The following STK39 variants were observed in gnomAD, a reference collection of about 807,000 sequenced individuals.
STK39 encodes the protein STE20/SPS1-related proline-alanine-rich protein kinase.
In STK39, 20 loss-of-function variants were observed where a neutral mutation model predicts 77.8. The ratio of observed to expected loss-of-function variants is 0.26; its 90% CI spans 0.18 to 0.37. STK39 has a LOEUF of 0.37. STK39 is among the 10% of genes least tolerant of loss of function. STK39 has a pLI of 1.00. For synonymous variants in STK39, 246 were observed against 234.1 expected, an observed-to-expected ratio of 1.05 and a Z score of -0.47; for missense variants, 479 against 656.5, an observed-to-expected ratio of 0.73 and a Z score of 2.95.
intron 14 of STK39, among the ~76,000 whole-genome samples, chr2:168,051,552 A>G (rs1353565480): frequency 6.6e-6 from 1 of 152,214 alleles, no homozygotes; most frequent in Admixed American, 6.5e-5. Context: ...CTACCATGCA[A>G]GACTGACTCC....
chr2:168,089,727 C>T (rs1317728655), intron 10 of STK39, among the ~76,000 whole-genome samples: 1 of 152,176 alleles, frequency 6.6e-6, no homozygotes, highest in Non-Finnish European at 1.5e-5. Context: ...AATTCTCCTG[C>T]CTCAGCCTCC....
At chr2:168,065,272 T>A (rs1430462039) in intron 13 of STK39, 47 bp downstream of exon 13, 4 of 1,598,648 alleles carry the variant, frequency 2.5e-6, no homozygotes, top group Non-Finnish European at 2.6e-6. Context: ...TTTTAAAGGA[T>A]CTGTCTACAA....
rs142447069 is a variant in STK39 at position 168,144,392 on chromosome 2, C to T, written c.629-3634G>A. Among the ~76,000 whole-genome samples, 533 of 152,210 alleles carry T rather than the reference C, an allele frequency of 3.5e-3. 4 individuals are homozygous for T. Among genetic ancestry groups the T allele is most frequent in the African/African-American group, 0.012 (516 of 41,546 alleles). ...GATCATGGCTCACTGCAGCCTCAAC[C>T]TCCCATGCTCAAGCGATCCTCCTAC... On this transcript the variant is annotated intron_variant, in intron 5 of 17. Transcript: ENST00000355999.
intron 1 of STK39, among the ~76,000 whole-genome samples, chr2:168,201,123 A>T (rs1689600633): frequency 6.6e-6 from 1 of 152,254 alleles, no homozygotes; most frequent in Non-Finnish European, 1.5e-5. Flanking sequence ...TCAAACTTAA[A>T]GGCACATCTC....
At chr2:167,996,512 C>T (rs918795884) in intron 16 of STK39, among the ~76,000 whole-genome samples, 1 of 152,214 alleles carries the variant, frequency 6.6e-6, no homozygotes, top group African/African-American at 2.4e-5. Flanking sequence ...TCTCTCATAG[C>T]TTAGCGTCCA....
At chr2:168,178,081 T>C (rs1348650020) in intron 2 of STK39, among the ~76,000 whole-genome samples, 3 of 152,238 alleles carry the variant, frequency 2.0e-5, no homozygotes, top group East Asian at 1.9e-4. Context: ...GGTTTGATAA[T>C]TCTGGTGTTA....
At chr2:167,984,493 C>T (rs1209314683) in intron 16 of STK39, among the ~76,000 whole-genome samples, 6 of 152,118 alleles carry the variant, frequency 3.9e-5, no homozygotes, top group Admixed American at 2.6e-4. Flanking sequence ...CATGCAGGAG[C>T]GAGGCTGAAG....
At chr2:168,093,313 A>C (rs1036524886) in intron 10 of STK39, among the ~76,000 whole-genome samples, 19 of 152,238 alleles carry the variant, frequency 1.2e-4, no homozygotes, top group Non-Finnish European at 2.5e-4. Context: ...AAAGAGGTTT[A>C]ATGGACTCAC....
intron 1 of STK39, among the ~76,000 whole-genome samples, chr2:168,196,544 T>A (rs911632810): frequency 2.0e-5 from 3 of 152,178 alleles, no homozygotes; most frequent in Non-Finnish European, 2.9e-5. Flanking sequence ...TAATCCCAGC[T>A]ACTCGGGAGG....
At chr2:168,204,618 T>C (rs560138241) in intron 1 of STK39, among the ~76,000 whole-genome samples, 15 of 152,330 alleles carry the variant, frequency 9.8e-5, no homozygotes, top group East Asian at 5.8e-4. Flanking sequence ...CTACCAAGCA[T>C]TGAGGTCTCT....
intron 10 of STK39, among the ~76,000 whole-genome samples, chr2:168,117,906 T>C (rs531370967): frequency 6.6e-6 from 1 of 152,216 alleles, no homozygotes; most frequent in Admixed American, 6.5e-5. Context: ...GAGTTTTCAA[T>C]CAGGGAGAAA....
At chr2:168,142,495 C>T (rs1194635820) in intron 5 of STK39, among the ~76,000 whole-genome samples, 1 of 152,148 alleles carries the variant, frequency 6.6e-6, no homozygotes, top group Non-Finnish European at 1.5e-5. Context: ...TGAAGCAACT[C>T]TGCACCCTAA....
chr2:168,077,289 A>G (rs1305185619), intron 10 of STK39, among the ~76,000 whole-genome samples: 1 of 152,176 alleles, frequency 6.6e-6, no homozygotes, highest in African/African-American at 2.4e-5. Flanking sequence ...CCTAAAATTT[A>G]GTTTACGTCC....
At chr2:168,173,988 C>A (rs1308111410) in intron 2 of STK39, among the ~76,000 whole-genome samples, 1 of 152,190 alleles carries the variant, frequency 6.6e-6, no homozygotes, top group African/African-American at 2.4e-5. Context: ...AATCAATCAA[C>A]GAATGTCCTT....
chr2:167,999,772 G>A (rs1208051708), intron 16 of STK39, among the ~76,000 whole-genome samples: 1 of 152,142 alleles, frequency 6.6e-6, no homozygotes, highest in African/African-American at 2.4e-5. Context: ...CGAGATGCTT[G>A]CTTTATTTAT....
rs929944964 is a variant in STK39 at position 168,089,065 on chromosome 2, G to A, written c.1090-13834C>T. Among the ~76,000 whole-genome samples, 4 of 152,248 alleles carry A rather than the reference G, an allele frequency of 2.6e-5. No individual in the cohort carries two copies. In the East Asian group the frequency reaches 5.8e-4, roughly 22 times the overall value. Reference sequence around the variant, plus strand: ...AATCAGCACATTCCTCCCTCACACCGGTGGTCCTCAGTGACCAAGGGTACC... The same window carrying A: ...AATCAGCACATTCCTCCCTCACACCAGTGGTCCTCAGTGACCAAGGGTACC... On this transcript the variant is annotated intron_variant, in intron 10 of 17. Transcript: ENST00000355999.
chr2:167,983,047 T>G (rs913669879), intron 16 of STK39, among the ~76,000 whole-genome samples: 1 of 152,186 alleles, frequency 6.6e-6, no homozygotes, highest in Non-Finnish European at 1.5e-5. Context: ...ACATAGATAA[T>G]TATGGAATGG....
intron 14 of STK39, among the ~76,000 whole-genome samples, chr2:168,029,100 T>C (rs1684772007): frequency 6.6e-6 from 1 of 152,214 alleles, no homozygotes; most frequent in Non-Finnish European, 1.5e-5. Flanking sequence ...GCAAGAAGGA[T>C]GTTAAATAGT....
intron 16 of STK39, among the ~76,000 whole-genome samples, chr2:167,991,170 G>A (rs573346475): frequency 6.6e-6 from 1 of 152,324 alleles, no homozygotes; most frequent in East Asian, 1.9e-4. Flanking sequence ...GGCCAACCAA[G>A]TCACTATTGA....
Sources: allele counts gnomAD v4.1 joint callset (sites outside exome capture counted in the v4.1 genomes callset), GRCh38; gene constraint gnomAD v4.1.1; transcripts MANE v1.5; gene names NCBI Gene and HGNC (gene_info 2026-07-23, HGNC 2026-07-21).